The following TMEM132D variants were observed in gnomAD, a reference collection of about 807,000 sequenced individuals.
TMEM132D encodes mature OL transmembrane protein.
A neutral mutation model predicts 62.3 loss-of-function variants in TMEM132D; 21 were observed. That is an observed-to-expected ratio of 0.34 (90% CI 0.24 to 0.49). The LOEUF (loss-of-function observed/expected upper bound fraction) is 0.49, where lower values mean the gene tolerates loss of function less well. Ranked by LOEUF, TMEM132D falls within the 20% of genes least tolerant of loss-of-function variation. The pLI is 0.99. For missense variants in TMEM132D, 1,346 were observed against 1,402.8 expected, an observed-to-expected ratio of 0.96 and a Z score of 0.65; for synonymous variants, 621 against 575.6, an observed-to-expected ratio of 1.08 and a Z score of -1.13.
intron 2 of TMEM132D, among the ~76,000 whole-genome samples, chr12:129,540,997 G>A (rs1186065724): frequency 6.6e-6 from 1 of 152,168 alleles, no homozygotes; most frequent in African/African-American, 2.4e-5. Context: ...GGATATGCAG[G>A]TGAGAAGAAA....
chr12:129,104,711 C>T (rs1298067708), intron 5 of TMEM132D, among the ~76,000 whole-genome samples: 7 of 151,456 alleles, frequency 4.6e-5, no homozygotes, highest in Non-Finnish European at 1.0e-4. Flanking sequence ...AAACAAACAA[C>T]CCCATCAAAA....
intron 5 of TMEM132D, among the ~76,000 whole-genome samples, chr12:129,166,716 T>C (rs11060173): frequency 0.38 from 32,624 of 86,568 alleles, 4,270 homozygotes; most frequent in Non-Finnish European, 0.47. Flanking sequence ...CACACACATA[T>C]ACACACACAC....
intron 5 of TMEM132D, among the ~76,000 whole-genome samples, chr12:129,166,156 A>T (rs554305882): frequency 6.6e-6 from 1 of 152,184 alleles, no homozygotes; most frequent in Non-Finnish European, 1.5e-5. Context: ...CCACAAACTC[A>T]AATGCCCACA....
chr12:129,391,987 C>T (rs1871302079), intron 3 of TMEM132D, among the ~76,000 whole-genome samples: 2 of 152,090 alleles, frequency 1.3e-5, no homozygotes, highest in Admixed American at 6.5e-5. Context: ...GAACTCCTGA[C>T]CTCAGGTGAT....
intron 1 of TMEM132D, among the ~76,000 whole-genome samples, chr12:129,803,453 G>A (rs946957986): frequency 5.9e-5 from 9 of 151,968 alleles, no homozygotes; most frequent in Non-Finnish European, 1.2e-4. Context: ...GGTACATAAC[G>A]AAATAAAGGC....
intron 2 of TMEM132D, among the ~76,000 whole-genome samples, chr12:129,538,549 T>C (rs1290482201): frequency 6.6e-6 from 1 of 152,172 alleles, no homozygotes; most frequent in Non-Finnish European, 1.5e-5. Flanking sequence ...ACCCTATACA[T>C]ACTATGTTTT....
chr12:129,229,831 G>C (rs1465239694), intron 4 of TMEM132D, among the ~76,000 whole-genome samples: 2 of 152,180 alleles, frequency 1.3e-5, no homozygotes, highest in African/African-American at 4.8e-5. Flanking sequence ...TGGTGGGGCT[G>C]GGAGCCAAGT....
At chr12:129,507,587 C>G (rs1314730067) in intron 3 of TMEM132D, among the ~76,000 whole-genome samples, 1 of 152,140 alleles carries the variant, frequency 6.6e-6, no homozygotes, top group African/African-American at 2.4e-5. Context: ...GACTACAATT[C>G]TAAGTGAAGT....
At chr12:129,166,015 CTAT>C (rs778542168) in intron 5 of TMEM132D, among the ~76,000 whole-genome samples, 1 of 152,160 alleles carries the variant, frequency 6.6e-6, no homozygotes, top group Non-Finnish European at 1.5e-5. Flanking sequence ...GAAACAGCAG[CTAT>C]TATTATCGCT....
chr12:129,777,915 C>T (rs1870993444), intron 1 of TMEM132D, among the ~76,000 whole-genome samples: 1 of 152,058 alleles, frequency 6.6e-6, no homozygotes, highest in Admixed American at 6.6e-5. Flanking sequence ...GGGAGGATCA[C>T]TTGAGCCCAG....
intron 3 of TMEM132D, among the ~76,000 whole-genome samples, chr12:129,395,654 TATAAG>T (rs1366197147): frequency 1.0e-4 from 14 of 134,132 alleles, no homozygotes; most frequent in African/African-American, 2.5e-4. Context: ...GAGATGTACT[TATAAG>T]ATAAAATACT....
intron 1 of TMEM132D, among the ~76,000 whole-genome samples, chr12:129,884,268 G>A (rs191944004): frequency 7.1e-4 from 108 of 152,262 alleles, no homozygotes; most frequent in African/African-American, 2.6e-3. Flanking sequence ...TAAACTGGAT[G>A]TCTTCTAAAT....
intron 4 of TMEM132D, among the ~76,000 whole-genome samples, chr12:129,304,662 CTTTTTTT>C (rs35812965): frequency 2.0e-4 from 19 of 93,638 alleles, no homozygotes; most frequent in Admixed American, 6.4e-4. Context: ...ATACTTGGAT[CTTTTTTT>C]TTTTTTTTTT....
At chr12:129,216,965 C>T (rs1460583422) in intron 4 of TMEM132D, among the ~76,000 whole-genome samples, 1 of 152,154 alleles carries the variant, frequency 6.6e-6, no homozygotes, top group Non-Finnish European at 1.5e-5. Flanking sequence ...TTTAAATTGA[C>T]TTATTTTTTT....
intron 3 of TMEM132D, among the ~76,000 whole-genome samples, chr12:129,520,752 A>G (rs978820613): frequency 6.6e-6 from 1 of 152,214 alleles, no homozygotes; most frequent in Non-Finnish European, 1.5e-5. Flanking sequence ...TCTTGATATT[A>G]AAAACCAAAT....
chr12:129,705,612 T>C (rs1881488878), intron 1 of TMEM132D, among the ~76,000 whole-genome samples: 1 of 152,186 alleles, frequency 6.6e-6, no homozygotes, highest in Non-Finnish European at 1.5e-5. Context: ...ATGTATACCA[T>C]ATCTTCTGTT....
At chr12:129,573,456 G>A (rs1440147533) in intron 2 of TMEM132D, among the ~76,000 whole-genome samples, 1 of 152,196 alleles carries the variant, frequency 6.6e-6, no homozygotes, top group African/African-American at 2.4e-5. Flanking sequence ...CACTCAGGGT[G>A]ACCGAGGGAG....
At chr12:129,877,632 G>C (rs61942118) in intron 1 of TMEM132D, among the ~76,000 whole-genome samples, 19,872 of 138,390 alleles carry the variant, frequency 0.14, 1,690 homozygotes, top group East Asian at 0.53. Flanking sequence ...CACACACAGA[G>C]AGAGAGAGAG....
At chr12:129,757,415 A>C (rs975130573) in intron 1 of TMEM132D, among the ~76,000 whole-genome samples, 5 of 152,104 alleles carry the variant, frequency 3.3e-5, no homozygotes, top group Admixed American at 2.6e-4. Flanking sequence ...TGTGGTTTCA[A>C]ATACCATCTA....
Sources: gnomAD v4.1 joint callset for allele counts (sites outside exome capture counted in the v4.1 genomes callset) on GRCh38, gnomAD v4.1.1 for gene constraint, MANE v1.5 for transcripts, NCBI Gene and HGNC (gene_info 2026-07-23, HGNC 2026-07-21) for gene names.